GARIN2: variants seen among roughly 807,000 people sequenced by gnomAD.
GARIN2 encodes the protein Golgi-associated RAB2 interactor protein 2.
chr14:67,213,868 G>A, the GARIN2 span, among the ~76,000 whole-genome samples: 1 of 152,218 alleles, frequency 6.6e-6, no homozygotes, highest in Non-Finnish European at 1.5e-5. Context: ...TAACTGGTGT[G>A]AGATGGTATC....
chr14:67,220,269 C>G, the GARIN2 span, among the ~76,000 whole-genome samples: 1 of 151,862 alleles, frequency 6.6e-6, no homozygotes, highest in Non-Finnish European at 1.5e-5. Context: ...GACCCTGTCC[C>G]TACAAAAAAG....
At chr14:67,224,011 A>C in the GARIN2 span, 152 of 980,710 alleles carry the variant, frequency 1.5e-4, no homozygotes, top group Admixed American at 1.8e-4. Flanking sequence ...GTAGTAAAAC[A>C]AATTCCTGGC....
chr14:67,199,594 C>T, the GARIN2 span: 6 of 1,590,898 alleles, frequency 3.8e-6, no homozygotes, highest in Admixed American at 3.3e-5. Context: ...CTTATGCCTT[C>T]GAGAAGGACT....
chr14:67,199,756 T>G, the GARIN2 span: 3 of 1,550,260 alleles, frequency 1.9e-6, no homozygotes, highest in Non-Finnish European at 1.8e-6. Context: ...GGTCTGGGCT[T>G]CCTCCACCAG....
At chr14:67,203,335 G>T in the GARIN2 span, 1 of 1,484,292 alleles carries the variant, frequency 6.7e-7, no homozygotes, top group Non-Finnish European at 9.1e-7. Context: ...CTCAGAAGAT[G>T]TGCATTAGCC....
the GARIN2 span, among the ~76,000 whole-genome samples, chr14:67,216,456 T>G: frequency 0.02 from 2,995 of 152,226 alleles, 40 homozygotes; most frequent in Middle Eastern, 0.034. Flanking sequence ...GTTTGGATTA[T>G]TCATGCTTTT....
chr14:67,208,561 A>C, the GARIN2 span: 2 of 1,135,090 alleles, frequency 1.8e-6, no homozygotes, highest in Non-Finnish European at 2.5e-6. Context: ...TCTCAGAGAC[A>C]GATGTAGTGT....
the GARIN2 span, chr14:67,203,208 C>A: frequency 1.2e-6 from 2 of 1,613,914 alleles, no homozygotes; most frequent in Non-Finnish European, 1.7e-6. Flanking sequence ...ACTGGCCCAT[C>A]TGACACCTGG....
chr14:67,198,929 A>G, the GARIN2 span: 2 of 699,876 alleles, frequency 2.9e-6, no homozygotes, highest in South Asian at 1.5e-5. Context: ...AAAGTCTAAC[A>G]CTAAACACTG....
the GARIN2 span, chr14:67,224,050 C>T: frequency 1.1e-6 from 1 of 913,540 alleles, no homozygotes; most frequent in South Asian, 5.0e-5. Context: ...TTCACATTCA[C>T]CCAGCAATGC....
the GARIN2 span, among the ~76,000 whole-genome samples, chr14:67,225,646 T>C: frequency 6.6e-6 from 1 of 152,312 alleles, no homozygotes; most frequent in Admixed American, 6.5e-5. Context: ...ATACAGATAT[T>C]CGTAGAGTGC....
At chr14:67,198,390 G>A in the GARIN2 span, 1 of 1,400,888 alleles carries the variant, frequency 7.1e-7, no homozygotes, top group East Asian at 2.3e-5. Context: ...AACTGAAAAG[G>A]ATGGTAGGAG....
At chr14:67,201,281 A>G in the GARIN2 span, 1 of 348,464 alleles carries the variant, frequency 2.9e-6, no homozygotes, top group Non-Finnish European at 5.6e-6. Flanking sequence ...ATGATAAGAC[A>G]AGACTTTGTC....
At chr14:67,216,881 C>T in the GARIN2 span, among the ~76,000 whole-genome samples, 2 of 152,032 alleles carry the variant, frequency 1.3e-5, no homozygotes, top group African/African-American at 4.8e-5. Flanking sequence ...AGAATGTGTA[C>T]TGTGCAGCTG....
At chr14:67,216,083 A>G in the GARIN2 span, among the ~76,000 whole-genome samples, 1 of 152,148 alleles carries the variant, frequency 6.6e-6, no homozygotes, top group East Asian at 1.9e-4. Context: ...GTGTCCTCCT[A>G]CCAATCCCCC....
the GARIN2 span, chr14:67,200,235 C>A: frequency 3.1e-6 from 3 of 975,376 alleles, no homozygotes; most frequent in Non-Finnish European, 4.5e-6. Flanking sequence ...ACAACCCACA[C>A]CCTATGGCTA....
chr14:67,201,554 G>A, the GARIN2 span: 2 of 455,606 alleles, frequency 4.4e-6, no homozygotes, highest in East Asian at 6.9e-5. Context: ...CAGGGTTGGA[G>A]GATACCTCCT....
the GARIN2 span, among the ~76,000 whole-genome samples, chr14:67,215,106 A>G: frequency 6.6e-6 from 1 of 152,160 alleles, no homozygotes; most frequent in African/African-American, 2.4e-5. Context: ...ATGCACACTC[A>G]GATTTGAGAA....
At chr14:67,204,309 C>T in the GARIN2 span, among the ~76,000 whole-genome samples, 23 of 152,000 alleles carry the variant, frequency 1.5e-4, no homozygotes, top group Admixed American at 1.5e-3. Context: ...ATTGGTGGTA[C>T]ATATCTGTTG....
Sources: gnomAD v4.1 joint callset for allele counts (sites outside exome capture counted in the v4.1 genomes callset) on GRCh38, gnomAD v4.1.1 for gene constraint, MANE v1.5 for transcripts, NCBI Gene and HGNC (gene_info 2026-07-23, HGNC 2026-07-21) for gene names.